OSBP2: variants seen among roughly 807,000 people sequenced by gnomAD.
OSBP2 encodes the protein oxysterol binding protein 2.
Under a neutral mutation model 96.0 loss-of-function variants are expected in OSBP2, and 66 were observed. That is an observed-to-expected ratio of 0.69 (90% CI 0.56 to 0.84). The LOEUF (loss-of-function observed/expected upper bound fraction) is 0.84. Among genes scored for constraint, OSBP2 ranks in the 40% least tolerant of loss-of-function variants. The probability of loss-of-function intolerance (pLI) is 0.00; values close to 1 mark genes in which losing one functional copy is unlikely to be tolerated. For synonymous variants in OSBP2, 525 were observed against 520.9 expected, an observed-to-expected ratio of 1.01 and a Z score of -0.11; for missense variants, 1,038 against 1,222.7, an observed-to-expected ratio of 0.85 and a Z score of 2.25.
At chr22:30,797,923 A>T (rs1355066923) in intron 2 of OSBP2, among the ~76,000 whole-genome samples, 1 of 152,174 alleles carries the variant, frequency 6.6e-6, no homozygotes, top group African/African-American at 2.4e-5. Flanking sequence ...GTGTACACGT[A>T]TCTCTTTGAG....
At chr22:30,815,893 A>G (rs2091077812) in intron 2 of OSBP2, among the ~76,000 whole-genome samples, 1 of 152,202 alleles carries the variant, frequency 6.6e-6, no homozygotes, top group Admixed American at 6.5e-5. Flanking sequence ...ATTACAGATA[A>G]TGATGCAGTA....
intron 2 of OSBP2, among the ~76,000 whole-genome samples, chr22:30,772,824 G>A (rs1016544328): frequency 4.1e-5 from 6 of 145,358 alleles, no homozygotes; most frequent in Non-Finnish European, 7.5e-5. Flanking sequence ...ATGGAGTCTC[G>A]CTCTGTTGCC....
chr22:30,758,334 G>A (rs779866942), intron 2 of OSBP2, among the ~76,000 whole-genome samples: 1 of 152,218 alleles, frequency 6.6e-6, no homozygotes, highest in East Asian at 1.9e-4. Context: ...CCGGGAGGAA[G>A]AGGTTGCAGT....
intron 2 of OSBP2, among the ~76,000 whole-genome samples, chr22:30,845,007 A>C (rs967253874): frequency 6.6e-6 from 1 of 152,244 alleles, no homozygotes; most frequent in African/African-American, 2.4e-5. Flanking sequence ...GGTCAGTGGA[A>C]CAGTCAGAAC....
At chr22:30,747,731 T>C (rs1026889182) in intron 2 of OSBP2, among the ~76,000 whole-genome samples, 40 of 152,226 alleles carry the variant, frequency 2.6e-4, no homozygotes, top group African/African-American at 9.4e-4. Flanking sequence ...CTTCCTGGTC[T>C]CTCTGCCTAG....
chr22:30,856,412 G>A (rs1346166754), intron 2 of OSBP2, among the ~76,000 whole-genome samples: 2 of 126,036 alleles, frequency 1.6e-5, no homozygotes, highest in Non-Finnish European at 3.4e-5. Flanking sequence ...TTGGAGACAG[G>A]GTCTTGCTCT....
chr22:30,736,695 A>G (rs1220101903), intron 1 of OSBP2, among the ~76,000 whole-genome samples: 1 of 152,218 alleles, frequency 6.6e-6, no homozygotes, highest in African/African-American at 2.4e-5. Context: ...ACAATTCTCA[A>G]AACTAGAAAA....
intron 2 of OSBP2, among the ~76,000 whole-genome samples, chr22:30,766,039 G>C (rs1449879538): frequency 2.0e-5 from 3 of 152,142 alleles, no homozygotes. Context: ...GTGGAGAGCA[G>C]CCTGGGCAAC....
At chr22:30,780,492 TTTTG>T (rs1216435990) in intron 2 of OSBP2, among the ~76,000 whole-genome samples, 7 of 152,090 alleles carry the variant, frequency 4.6e-5, no homozygotes, top group Admixed American at 6.6e-5. Flanking sequence ...CTAAACTGTT[TTTTG>T]TTTGTTTTTT....
At chr22:30,747,436 A>G (rs772972148) in intron 2 of OSBP2, among the ~76,000 whole-genome samples, 4 of 152,176 alleles carry the variant, frequency 2.6e-5, no homozygotes, top group African/African-American at 4.8e-5. Context: ...AACCATGTTC[A>G]TGCCACTGTA....
intron 2 of OSBP2, among the ~76,000 whole-genome samples, chr22:30,824,399 T>A (rs1260793355): frequency 6.6e-6 from 1 of 151,964 alleles, no homozygotes; most frequent in African/African-American, 2.4e-5. Flanking sequence ...TCGGAGACCC[T>A]AGGGGGGAAT....
intron 12 of OSBP2, among the ~76,000 whole-genome samples, chr22:30,903,493 G>A (rs1428781030): frequency 2.0e-5 from 3 of 152,258 alleles, no homozygotes; most frequent in Non-Finnish European, 2.9e-5. Context: ...AGTGGAGACC[G>A]TGGAATAGCA....
intron 1 of OSBP2, among the ~76,000 whole-genome samples, chr22:30,706,159 T>G (rs1179322932): frequency 2.6e-5 from 4 of 152,056 alleles, no homozygotes; most frequent in African/African-American, 9.7e-5. Context: ...TGAACAAAAT[T>G]GAAATTGGCA....
intron 12 of OSBP2, among the ~76,000 whole-genome samples, chr22:30,900,668 T>A (rs1160627263): frequency 6.6e-6 from 1 of 152,032 alleles, no homozygotes; most frequent in Non-Finnish European, 1.5e-5. Context: ...AGGTGGCATA[T>A]CAGATCTTGT....
intron 3 of OSBP2, chr22:30,872,337 T>G (rs750175001): frequency 1.5e-5 from 7 of 456,660 alleles, no homozygotes; most frequent in Non-Finnish European, 2.6e-5. Flanking sequence ...TCCCAGGCAC[T>G]GCCTCCCTAC....
At chr22:30,761,278 A>G (rs1030370781) in intron 2 of OSBP2, among the ~76,000 whole-genome samples, 2 of 152,270 alleles carry the variant, frequency 1.3e-5, no homozygotes, top group East Asian at 3.8e-4. Context: ...AGGTCAGTAC[A>G]TAAAGGCCAG....
At chr22:30,873,819 A>G (rs1211808228) in intron 3 of OSBP2, among the ~76,000 whole-genome samples, 1 of 152,234 alleles carries the variant, frequency 6.6e-6, no homozygotes, top group African/African-American at 2.4e-5. Context: ...CAAAGCCCAC[A>G]TGGAGGGTGT....
intron 2 of OSBP2, among the ~76,000 whole-genome samples, chr22:30,814,121 T>C (rs2091050511): frequency 6.6e-6 from 1 of 152,146 alleles, no homozygotes; most frequent in African/African-American, 2.4e-5. Context: ...CCGCCTGTGC[T>C]GGAGATACTA....
intron 1 of OSBP2, among the ~76,000 whole-genome samples, chr22:30,730,770 CTCTCTATATATA>C (rs2089752347): frequency 7.4e-5 from 2 of 26,934 alleles, no homozygotes; most frequent in African/African-American, 2.8e-4. Context: ...CTCTCTCTCT[CTCTCTATATATA>C]TATATATATA....
Sources: gnomAD v4.1 joint callset for allele counts (sites outside exome capture counted in the v4.1 genomes callset) on GRCh38, gnomAD v4.1.1 for gene constraint, MANE v1.5 for transcripts, NCBI Gene and HGNC (gene_info 2026-07-23, HGNC 2026-07-21) for gene names.